The following SCN4A variants were observed in gnomAD, a reference collection of about 807,000 sequenced individuals.
SCN4A encodes the protein sodium channel protein type 4 subunit alpha.
SCN4A carries 83 observed loss-of-function variants against 162.0 expected under a neutral mutation model. The observed-to-expected ratio is 0.51, with a 90% CI of 0.43 to 0.61. SCN4A has a LOEUF of 0.61. Among genes scored for constraint, SCN4A ranks in the 20% least tolerant of loss-of-function variants. The pLI is 0.00. For synonymous variants in SCN4A, 944 were observed against 985.1 expected (o/e 0.96, Z 0.78); for missense variants, 2,196 against 2,462.5 (o/e 0.89, Z 2.29).
intron 18 of SCN4A, among the ~76,000 whole-genome samples, chr17:63,946,403 C>T (rs1323360710): frequency 6.6e-6 from 1 of 151,916 alleles, no homozygotes; most frequent in South Asian, 2.1e-4. Context: ...AAATTTGTCC[C>T]GCTGGAGCAG....
In SCN4A at chr17:63,939,208, A is replaced by G. The variant is rs1326343571; in HGVS notation, c.*1563T>C. On this transcript the variant is annotated 3_prime_UTR_variant, in exon 24 of 24. Coordinates refer to ENST00000435607, the MANE Select transcript of SCN4A (RefSeq NM_000334.4). ...AAGAAAAAGAAGAGGCACTTAGGCCAACAGAATGCCCTGAGTACACACCTT... is the reference window on the plus strand; with the variant it reads ...AAGAAAAAGAAGAGGCACTTAGGCCGACAGAATGCCCTGAGTACACACCTT... 6.5e-6 allele frequency: 1 copy of G among 152,714 alleles called. No individual in the cohort carries two copies. The highest frequency in any genetic ancestry group is 1.9e-4 in the East Asian group (1 of 5,200). The allele number at this position is 152,714 out of a possible 1,614,324, so 9.5% of individuals were successfully genotyped here.
chr17:63,947,876 GT>G lies in SCN4A; in HGVS notation c.3318+13del. ...CTCTGGATGTAGCTACGGGGCCAGC[GT>G]GGGGGGACTCACATCCACGATGAGG... On this transcript the variant is annotated intron_variant, in intron 17 of 23. Coordinates refer to ENST00000435607, the MANE Select transcript of SCN4A (RefSeq NM_000334.4). 6.2e-7 allele frequency: 1 copy of G among 1,612,668 alleles called. No individual in the cohort carries two copies. The highest frequency in any genetic ancestry group is 1.7e-5 in the Admixed American group (1 of 59,934).
rs754148009 is a variant in SCN4A, at chr17:63,959,315, G to A, written c.1969C>T (p.Leu657=). 1.9e-6 allele frequency: 3 copies of A among 1,613,976 alleles called. No homozygotes were observed. The highest frequency in any genetic ancestry group is 2.5e-6 in the Non-Finnish European group (3 of 1,179,870). ...SIIVTLSLVE[L]GLANVQGLSV... is the part of the protein sequence containing the mutation. ...AGTCCCTGTACGTTGGCCAGGCCTA[G>A]CTCTACCAGGCTGAGGGTGACGATG... The change falls in exon 12 of 24, where the codon CTA becomes TTA. Residue 657 remains leucine (L), a synonymous_variant. Transcript: ENST00000435607.
chr17:63,966,092 G>A lies in SCN4A; in HGVS notation c.1242+10C>T. ...TGTAGGGTTGGGGGGCAGGGTGGGG[G>A]CAGCTGTACCAGCTGGAAGAGGTTC... On this transcript the variant is annotated intron_variant, in intron 8 of 23. Coordinates refer to ENST00000435607, the MANE Select transcript of SCN4A (RefSeq NM_000334.4). 6.4e-7 allele frequency: 1 copy of A among 1,567,392 alleles called. No individual in the cohort carries two copies. The highest frequency in any genetic ancestry group is 8.7e-7 in the Non-Finnish European group (1 of 1,154,970).
rs544082594 is a variant in SCN4A at position 63,948,751 on chromosome 17, A to G, written c.3004T>C (p.Trp1002Arg). The G allele has an allele frequency of 1.2e-4, 198 of 1,609,060 alleles. 1 individual carries two copies. The South Asian group carries it at 1.6e-3, about 13-fold the overall frequency. Residue 1002 changes from tryptophan to arginine, a missense_variant, in exon 16 of 24, where the codon TGG (tryptophan) becomes CGG (arginine). Coordinates refer to ENST00000435607, the MANE Select transcript of SCN4A (RefSeq NM_000334.4). ...ECFTEACVQRWPCLYVDISQG... is the reference protein window; with the variant it reads ...ECFTEACVQRRPCLYVDISQG... ...GAGATGTCCACGTAGAGGCAGGGCC[A>G]GCGCTGCACGCAGGCTGATGGGGTG...
rs1451258700 is a variant in SCN4A, at chr17:63,945,084, G to T, written c.3721-24C>A. ...GCCTGAGAGAGTGTGGTTGGGGAGT[G>T]AGCCGGGGGGCTGCTCCCTGCTTTC... On this transcript the variant is annotated intron_variant, in intron 19 of 23. Coordinates refer to ENST00000435607, the MANE Select transcript of SCN4A (RefSeq NM_000334.4). The surrounding 1 kb of genome is among the most constrained non-coding windows in gnomAD (Gnocchi z 4.4). 2.5e-6 allele frequency: 4 copies of T among 1,605,906 alleles called. 1 individual carries two copies. In the South Asian group the frequency reaches 4.5e-5, roughly 18 times the overall value.
chr17:63,963,637 CT>C, intron 10 of SCN4A, 34 bp downstream of exon 10: 1 of 1,513,330 alleles, frequency 6.6e-7, no homozygotes, highest in South Asian at 1.3e-5. Context: ...GGCTCCACCC[CT>C]ACCTAAGTGG....
At position 63,966,137 on chromosome 17, in the gene SCN4A, T is replaced by G; in HGVS notation, c.1207A>C (p.Met403Leu). 1 of 1,589,698 alleles carries G rather than the reference T, an allele frequency of 6.3e-7. No homozygotes were observed. Among genetic ancestry groups the G allele is most frequent in the Non-Finnish European group, 8.6e-7 (1 of 1,168,004 alleles). The stretch of plus-strand genomic sequence containing the variant: ...AGGTTCTCCCAATAGTCCTGTGTCA[T>G]GAGGCGGAAGAGAGCCAAGAAGGCC... Reference protein sequence around the residue: ...SWAFLALFRLMTQDYWENLFQ... With the variant: ...SWAFLALFRLLTQDYWENLFQ... The change falls in exon 8 of 24, where the codon ATG becomes CTG. Residue 403 changes from methionine to leucine, a missense_variant. Coordinates refer to ENST00000435607, the MANE Select transcript of SCN4A (RefSeq NM_000334.4).
intron 13 of SCN4A, among the ~76,000 whole-genome samples, chr17:63,955,507 G>C (rs1909047265): frequency 6.6e-6 from 1 of 152,168 alleles, no homozygotes; most frequent in Non-Finnish European, 1.5e-5. Flanking sequence ...TTTCCAGATG[G>C]GAAAACTGAG....
At chr17:63,965,819 C>T (rs1010561616) in intron 8 of SCN4A, among the ~76,000 whole-genome samples, 1 of 152,338 alleles carries the variant, frequency 6.6e-6, no homozygotes, top group East Asian at 1.9e-4. Flanking sequence ...GCCCTACTGG[C>T]TATCATGAGG....
chr17:63,950,124 C>T lies in SCN4A; in HGVS notation c.2854-596G>A, dbSNP rs2144785254. Among the ~76,000 whole-genome samples the T allele has an allele frequency of 6.6e-6, 1 of 152,324 alleles. No homozygotes were observed. The highest frequency in any genetic ancestry group is 1.9e-4 in the East Asian group (1 of 5,180). Reference sequence around the variant, plus strand: ...GCCGGGCCAGGCTTCCTCCCACCTCCTCCTGCTGGGCCAGGCCAGCTTCCC... The same window carrying T: ...GCCGGGCCAGGCTTCCTCCCACCTCTTCCTGCTGGGCCAGGCCAGCTTCCC... On this transcript the variant is annotated intron_variant, in intron 14 of 23. Transcript: ENST00000435607. This position sits in a 1 kb window ranked among gnomAD's most constrained non-coding sequence, Gnocchi z 4.6.
At chr17:63,948,214 C>A (rs1908790790) in intron 16 of SCN4A, among the ~76,000 whole-genome samples, 151 bp from the exon 17 acceptor site, 1 of 152,116 alleles carries the variant, frequency 6.6e-6, no homozygotes. Flanking sequence ...TGGACTCCCA[C>A]CACCCATCAT....
chr17:63,961,951 A>G (rs1425131447), intron 10 of SCN4A, among the ~76,000 whole-genome samples: 1 of 142,996 alleles, frequency 7.0e-6, no homozygotes, highest in Non-Finnish European at 1.5e-5. Flanking sequence ...CACATTCCCA[A>G]CTCCTGAGGA....
At position 63,945,169 on chromosome 17, in the gene SCN4A, C is replaced by T; in HGVS notation, c.3721-109G>A. The T allele has an allele frequency of 8.5e-7, 1 of 1,181,018 alleles. No individual in the cohort carries two copies. The highest frequency in any genetic ancestry group is 1.2e-6 in the Non-Finnish European group (1 of 811,962). 73.2% of individuals were successfully genotyped at this position (1,181,018 alleles called of 1,614,324 possible). On this transcript the variant is annotated intron_variant, in intron 19 of 23. Transcript: ENST00000435607. This position sits in a 1 kb window ranked among gnomAD's most constrained non-coding sequence, Gnocchi z 4.4. ...GTCCTCCCCTGCCAGAGGCCGCCTG[C>T]CAGAGCCCCACTGGGCTAGCATCAA...
In SCN4A at chr17:63,951,964, G is replaced by T; in HGVS notation, c.2377-64C>A. The T allele has an allele frequency of 1.0e-6, 1 of 990,524 alleles. No individual in the cohort carries two copies. The highest frequency in any genetic ancestry group is 1.5e-6 in the Non-Finnish European group (1 of 682,306). The allele number at this position is 990,524 out of a possible 1,614,324, so 61.4% of individuals were successfully genotyped here. ...CGGGACCCAGAGGGTGCCACCTTCA[G>T]CCAGCACAGGGGTCCTCGGTCTACA... is the stretch of plus-strand genomic sequence containing the variant. On this transcript the variant is annotated intron_variant, in intron 13 of 23. Coordinates refer to ENST00000435607, the MANE Select transcript of SCN4A (RefSeq NM_000334.4). The surrounding 1 kb of genome is among the most constrained non-coding windows in gnomAD (Gnocchi z 4.5).
intron 4 of SCN4A, 65 bp from the exon 5 acceptor site, chr17:63,971,318 A>G: frequency 2.2e-6 from 2 of 893,756 alleles, no homozygotes; most frequent in Non-Finnish European, 3.6e-6. Context: ...GACAGAAATC[A>G]GGGCTCCTCC....
chr17:63,968,010 T>C lies in SCN4A; in HGVS notation c.1036+13A>G, dbSNP rs1435435209. ...ACAGGATCCCCCTTGCCCGTCACCC[T>C]CCCCATTCTTACCTTCATCACTGAT... On this transcript the variant is annotated intron_variant, in intron 6 of 23. Transcript: ENST00000435607. 25 of 1,607,874 alleles carry C rather than the reference T, an allele frequency of 1.6e-5. No homozygotes were observed. Among genetic ancestry groups the C allele is most frequent in the Non-Finnish European group, 1.9e-5 (22 of 1,175,712 alleles).
chr17:63,963,695 C>A lies in SCN4A; in HGVS notation c.1583G>T (p.Ser528Ile), dbSNP rs906634749. Reference protein sequence around the residue: ...GAPRQSSSGDSGISDAMEELE... With the variant: ...GAPRQSSSGDIGISDAMEELE... ...ACCTTCCATGGCGTCGGAGATGCCG[C>A]TGTCTCCGCTGCTGCTCTGCCTCGG... The change falls in exon 10 of 24, where the codon AGC becomes ATC. Residue 528 changes from serine (S) to isoleucine (I), a missense_variant. Physicochemically the swap from Ser to Ile is moderately radical, Grantham distance 142 (BLOSUM62 -2). Transcript: ENST00000435607. The A allele has an allele frequency of 1.1e-5, 17 of 1,592,784 alleles. No individual in the cohort carries two copies. In the Admixed American group the frequency reaches 1.7e-4, roughly 16 times the overall value.
intron 13 of SCN4A, among the ~76,000 whole-genome samples, chr17:63,955,789 T>TG (rs1909055238): frequency 6.6e-6 from 1 of 152,162 alleles, no homozygotes; most frequent in Non-Finnish European, 1.5e-5. Flanking sequence ...GGTTCTCCTC[T>TG]GTAGCTGCAG....
Sources: allele counts gnomAD v4.1 joint callset (sites outside exome capture counted in the v4.1 genomes callset), GRCh38; gene constraint gnomAD v4.1.1; non-coding constraint Gnocchi (gnomAD v3.1); transcripts MANE v1.5; gene names NCBI Gene and HGNC (gene_info 2026-07-23, HGNC 2026-07-21).